MTCL1: variants seen among roughly 807,000 people sequenced by gnomAD.
The protein encoded by MTCL1 is microtubule cross-linking factor 1.
Under a neutral mutation model 141.4 loss-of-function variants are expected in MTCL1, and 79 were observed. That is an observed-to-expected ratio of 0.56 (90% CI 0.47 to 0.67). The LOEUF (loss-of-function observed/expected upper bound fraction) is 0.67, where lower values mean the gene tolerates loss of function less well. MTCL1 is among the 30% of genes least tolerant of loss of function. The probability of loss-of-function intolerance (pLI) is 0.00; values close to 1 mark genes in which losing one functional copy is unlikely to be tolerated. For missense variants in MTCL1, 2,177 were observed against 2,113.9 expected (o/e 1.03, Z -0.59); for synonymous variants, 914 against 875.8 (o/e 1.04, Z -0.77).
At chr18:8,747,092 G>A (rs1202420155) in intron 4 of MTCL1, among the ~76,000 whole-genome samples, 1 of 152,164 alleles carries the variant, frequency 6.6e-6, no homozygotes, top group African/African-American at 2.4e-5. Flanking sequence ...ATCAGAGATG[G>A]TCAGCTTTTT....
intron 4 of MTCL1, among the ~76,000 whole-genome samples, chr18:8,743,286 T>A (rs868034306): frequency 7.2e-5 from 11 of 152,384 alleles, no homozygotes; most frequent in Admixed American, 1.3e-4. Context: ...TAATCACATG[T>A]TACATATTGG....
At chr18:8,804,986 CAAAAAA>C (rs11347124) in intron 10 of MTCL1, among the ~76,000 whole-genome samples, 1 of 115,552 alleles carries the variant, frequency 8.7e-6, no homozygotes. Context: ...GACCTTGCCT[CAAAAAA>C]AAAAAAAAAA....
At chr18:8,766,389 G>A (rs1167257922) in intron 4 of MTCL1, among the ~76,000 whole-genome samples, 2 of 152,210 alleles carry the variant, frequency 1.3e-5, no homozygotes, top group Non-Finnish European at 2.9e-5. Context: ...CTGCTGCAGG[G>A]ACACTGTGTA....
chr18:8,735,016 T>A (rs2096268694), intron 4 of MTCL1, among the ~76,000 whole-genome samples: 1 of 152,204 alleles, frequency 6.6e-6, no homozygotes, highest in South Asian at 2.1e-4. Context: ...AACATGAGGC[T>A]TCGGAGTCAC....
chr18:8,727,437 A>G (rs1401595498), intron 4 of MTCL1, among the ~76,000 whole-genome samples: 4 of 152,176 alleles, frequency 2.6e-5, no homozygotes, highest in African/African-American at 9.6e-5. Flanking sequence ...CTTTTTCTCC[A>G]TATCCATGCC....
rs2076457845 is a variant in MTCL1, at chr18:8,810,807, G to T, written c.2605-2172G>T. On this transcript the variant is annotated intron_variant, in intron 11 of 16. Coordinates refer to ENST00000359865, the Ensembl canonical transcript of MTCL1. This position sits in a 1 kb window ranked among gnomAD's most constrained non-coding sequence, Gnocchi z 5.0. ...CCAGATTTACATTTTATAAATAATTGATCAAGAAGCGTCACCACTGACCTG... is the reference window on the plus strand; with the variant it reads ...CCAGATTTACATTTTATAAATAATTTATCAAGAAGCGTCACCACTGACCTG... Among the ~76,000 whole-genome samples the T allele has an allele frequency of 6.6e-6, 1 of 152,078 alleles. No homozygotes were observed. The highest frequency in any genetic ancestry group is 2.1e-4 in the South Asian group (1 of 4,810).
chr18:8,826,615 C>T (rs2077036362), intron 15 of MTCL1, among the ~76,000 whole-genome samples: 1 of 152,162 alleles, frequency 6.6e-6, no homozygotes, highest in Non-Finnish European at 1.5e-5. Flanking sequence ...CTGCATACTG[C>T]AGACCTTCAT....
At chr18:8,801,106 C>T (rs1409728895) in intron 10 of MTCL1, among the ~76,000 whole-genome samples, 1 of 152,130 alleles carries the variant, frequency 6.6e-6, no homozygotes, top group Non-Finnish European at 1.5e-5. Flanking sequence ...TTAGGGCCTT[C>T]GGGGGCTGCC....
chr18:8,757,410 AC>A (rs755498769), intron 4 of MTCL1, among the ~76,000 whole-genome samples: 3 of 151,848 alleles, frequency 2.0e-5, no homozygotes, highest in African/African-American at 4.8e-5. Flanking sequence ...AACCAAGGAG[AC>A]CCCCCAGACT....
At chr18:8,827,577 G>T (rs1180601820) in intron 15 of MTCL1, among the ~76,000 whole-genome samples, 1 of 152,104 alleles carries the variant, frequency 6.6e-6, no homozygotes, top group Non-Finnish European at 1.5e-5. Flanking sequence ...GTCTTCTTTG[G>T]GCTACTGTTA....
At chr18:8,815,670 T>C (rs6506613) in intron 12 of MTCL1, among the ~76,000 whole-genome samples, 97,692 of 149,608 alleles carry the variant, frequency 0.65, 32,056 homozygotes, top group Non-Finnish European at 0.68. Context: ...GAAAAGTCAG[T>C]GACTTAAAGA....
At chr18:8,752,359 T>G (rs1407018903) in intron 4 of MTCL1, among the ~76,000 whole-genome samples, 1 of 152,266 alleles carries the variant, frequency 6.6e-6, no homozygotes, top group East Asian at 1.9e-4. Context: ...TAAACTTCCA[T>G]GTACTAGTTG....
intron 4 of MTCL1, among the ~76,000 whole-genome samples, chr18:8,766,433 G>GC (rs995085891): frequency 1.3e-4 from 20 of 152,348 alleles, no homozygotes; most frequent in African/African-American, 4.8e-4. Flanking sequence ...AGAGGCTGGG[G>GC]CCTGGGGCGC....
intron 10 of MTCL1, among the ~76,000 whole-genome samples, chr18:8,803,938 C>G (rs956896682): frequency 2.0e-5 from 3 of 152,100 alleles, no homozygotes; most frequent in African/African-American, 4.8e-5. Flanking sequence ...AGGCTGATAC[C>G]ATATGTAACT....
At position 8,825,404 on chromosome 18, in the gene MTCL1, C is replaced by T. The variant is rs751991766; in HGVS notation, c.3894C>T (p.Gly1298=). 3 of 1,544,142 alleles carry T rather than the reference C, an allele frequency of 1.9e-6. No individual in the cohort carries two copies. The East Asian group carries it at 6.8e-5, about 35-fold the overall frequency. ...CTGTCAGGAATGCCATCTGCTCCGG[C>T]CCTGGCGAGCTGCAAGTCAAGGACA... The change falls in exon 15 of 17, where the codon GGC becomes GGT. Residue 1298 remains glycine, a synonymous_variant. Coordinates refer to ENST00000359865, the Ensembl canonical transcript of MTCL1.
chr18:8,762,455 A>G, intron 4 of MTCL1, among the ~76,000 whole-genome samples: 1 of 152,268 alleles, frequency 6.6e-6, no homozygotes. Flanking sequence ...AGGATTGATT[A>G]AGGAGAGCAA....
chr18:8,750,157 C>T (rs2096363199), intron 4 of MTCL1, among the ~76,000 whole-genome samples: 1 of 152,094 alleles, frequency 6.6e-6, no homozygotes, highest in Admixed American at 6.5e-5. Flanking sequence ...GATCCTCCCA[C>T]CTCAGCCTCC....
At chr18:8,723,466 T>C (rs1354575202) in intron 4 of MTCL1, among the ~76,000 whole-genome samples, 2 of 152,202 alleles carry the variant, frequency 1.3e-5, no homozygotes, top group Admixed American at 6.5e-5. Flanking sequence ...TCATGTGTTG[T>C]GTGTGTCTGA....
chr18:8,819,048 G>A lies in MTCL1; in HGVS notation c.2945G>A (p.Gly982Glu), dbSNP rs769068294. 5.0e-6 allele frequency: 8 copies of A among 1,614,272 alleles called. No homozygotes were observed. The East Asian group carries it at 6.7e-5, about 13-fold the overall frequency. The change falls in exon 13 of 17, where the codon GGA becomes GAA. Residue 982 changes from glycine (G) to glutamate (E), a missense_variant. By Grantham distance (98) the Gly-to-Glu change is moderately conservative. Transcript: ENST00000359865. The stretch of plus-strand genomic sequence containing the variant: ...AACGTTCGCCCCTTTCCCCACCAGG[G>A]AAGCCTCCGCATGCCCCGTCCAGTG...
Sources: gnomAD v4.1 joint callset for allele counts (sites outside exome capture counted in the v4.1 genomes callset) on GRCh38, gnomAD v4.1.1 for gene constraint, Gnocchi (gnomAD v3.1) non-coding constraint, MANE v1.5 for transcripts, NCBI Gene and HGNC (gene_info 2026-07-23, HGNC 2026-07-21) for gene names.